Variants in PCDH9 observed in about 807,000 individuals in gnomAD.
PCDH9 encodes the protein protocadherin-9.
Under a neutral mutation model 70.6 loss-of-function variants are expected in PCDH9, and 24 were observed. That is an observed-to-expected ratio of 0.34 (90% CI 0.25 to 0.48). The LOEUF is 0.48. Ranked by LOEUF, PCDH9 falls within the 20% of genes least tolerant of loss-of-function variation. The pLI is 0.99. For synonymous variants in PCDH9, 562 were observed against 558.5 expected (o/e 1.01, Z -0.09); for missense variants, 1,281 against 1,503.6 (o/e 0.85, Z 2.45).
intron 3 of PCDH9, among the ~76,000 whole-genome samples, chr13:66,768,560 A>C (rs1222829323): frequency 6.6e-6 from 1 of 152,092 alleles, no homozygotes; most frequent in South Asian, 2.1e-4. Context: ...AGTTTTACTT[A>C]TACATAAAAC....
chr13:66,808,255 A>G (rs963860223), intron 3 of PCDH9, among the ~76,000 whole-genome samples: 1 of 152,166 alleles, frequency 6.6e-6, no homozygotes, highest in African/African-American at 2.4e-5. Flanking sequence ...TTATTGAAGG[A>G]AAGTAGGGCT....
At chr13:66,835,313 C>T (rs1030150627) in intron 3 of PCDH9, among the ~76,000 whole-genome samples, 12 of 152,312 alleles carry the variant, frequency 7.9e-5, no homozygotes, top group Admixed American at 2.0e-4. Context: ...TTGACATAAT[C>T]GAGCTCGGCT....
chr13:67,226,875 TC>T lies in PCDH9; in HGVS notation c.1565del (p.Gly522GlufsTer3). On this transcript the variant is annotated frameshift_variant, in exon 2 of 5. Transcript: ENST00000377865. LOFTEE classifies it high-confidence loss of function. The surrounding 1 kb of genome is among the most constrained non-coding windows in gnomAD (Gnocchi z 5.0). ...ASFFDLDRKT[G>X]VLTASRVFDR... ...CAAATACTCTGGAGGCTGTCAAAACTCCTGTTTTTCGGTCCAGATCAAAGAA... is the reference window on the plus strand; with the variant it reads ...CAAATACTCTGGAGGCTGTCAAAACTCTGTTTTTCGGTCCAGATCAAAGAA... 6.2e-7 allele frequency: 1 copy of T among 1,614,182 alleles called. No homozygotes were observed. Among genetic ancestry groups the T allele is most frequent in the Non-Finnish European group, 8.5e-7 (1 of 1,180,026 alleles).
intron 3 of PCDH9, among the ~76,000 whole-genome samples, chr13:66,871,892 A>T (rs1320742955): frequency 6.6e-6 from 1 of 152,146 alleles, no homozygotes; most frequent in East Asian, 1.9e-4. Context: ...TCATTGCATA[A>T]CAAATTTAAC....
intron 4 of PCDH9, among the ~76,000 whole-genome samples, chr13:66,312,037 C>T (rs1422688635): frequency 6.6e-6 from 1 of 151,966 alleles, no homozygotes; most frequent in Non-Finnish European, 1.5e-5. Flanking sequence ...AAATCAGAAT[C>T]GATAGGAAAA....
At chr13:67,025,384 T>G (rs1338462684) in intron 2 of PCDH9, among the ~76,000 whole-genome samples, 1 of 152,140 alleles carries the variant, frequency 6.6e-6, no homozygotes, top group Non-Finnish European at 1.5e-5. Flanking sequence ...TGTTTCCTTT[T>G]TCTTCATGAG....
intron 3 of PCDH9, chr13:66,880,312 A>C (rs969326556): frequency 6.6e-6 from 1 of 152,200 alleles, no homozygotes; most frequent in Non-Finnish European, 1.5e-5. Flanking sequence ...GCCCCTGGGT[A>C]CAATCATCCT....
intron 4 of PCDH9, among the ~76,000 whole-genome samples, chr13:66,627,799 C>T (rs542200581): frequency 3.9e-5 from 6 of 152,260 alleles, no homozygotes; most frequent in African/African-American, 1.4e-4. Context: ...GGTAAAAACT[C>T]TAGAGATTTC....
At chr13:66,787,099 A>G (rs1450734108) in intron 3 of PCDH9, among the ~76,000 whole-genome samples, 1 of 152,198 alleles carries the variant, frequency 6.6e-6, no homozygotes, top group African/African-American at 2.4e-5. Flanking sequence ...AGTAGAATAA[A>G]TTATGGATTC....
chr13:66,838,739 T>G (rs2081066734), intron 3 of PCDH9, among the ~76,000 whole-genome samples: 1 of 152,064 alleles, frequency 6.6e-6, no homozygotes, highest in Non-Finnish European at 1.5e-5. Context: ...GTGTTGTGAC[T>G]TTATTCTTTT....
intron 4 of PCDH9, among the ~76,000 whole-genome samples, chr13:66,586,305 A>G (rs951590045): frequency 2.2e-5 from 3 of 138,992 alleles, no homozygotes; most frequent in Non-Finnish European, 4.7e-5. Context: ...GATACATTAA[A>G]TAAAATTTAA....
intron 3 of PCDH9, among the ~76,000 whole-genome samples, chr13:66,646,477 A>G (rs2077772626): frequency 6.6e-6 from 1 of 152,234 alleles, no homozygotes; most frequent in Admixed American, 6.5e-5. Context: ...TTAGCACACG[A>G]CAAGAAATAT....
intron 2 of PCDH9, chr13:66,914,948 A>C (rs948013667): frequency 1.3e-5 from 2 of 151,714 alleles, no homozygotes; most frequent in Non-Finnish European, 3.0e-5. Flanking sequence ...GTTCTTCAGA[A>C]GAATACAGAA....
chr13:66,793,860 T>C (rs985858242), intron 3 of PCDH9, among the ~76,000 whole-genome samples: 3 of 152,200 alleles, frequency 2.0e-5, no homozygotes, highest in Non-Finnish European at 4.4e-5. Context: ...TTTAATACCT[T>C]TTAAAACAAG....
At chr13:66,822,134 G>GTGCA (rs1425294155) in intron 3 of PCDH9, among the ~76,000 whole-genome samples, 3 of 41,562 alleles carry the variant, frequency 7.2e-5, no homozygotes, top group African/African-American at 1.3e-4. Context: ...CATCACACAC[G>GTGCA]CGCACACACA....
chr13:67,068,342 C>T (rs1660883425), intron 2 of PCDH9, among the ~76,000 whole-genome samples: 1 of 151,580 alleles, frequency 6.6e-6, no homozygotes, highest in South Asian at 2.1e-4. Context: ...CAGTGATCAA[C>T]AAAAGTTAGC....
Position 66,627,583 on chromosome 13 carries a change from C to T in PCDH9, c.3340+3627G>A, listed in dbSNP as rs141167358. On this transcript the variant is annotated intron_variant, in intron 4 of 4. Coordinates refer to ENST00000377865, the MANE Select transcript of PCDH9 (RefSeq NM_203487.3). ...GAGAACTGCTGGCCTCTAGGGGCTC[C>T]CAGGGCCTCTCGCTTCTCCACTTTC... 4.2e-3 allele frequency among the ~76,000 whole-genome samples: 636 copies of T among 152,212 alleles called. 19 individuals are homozygous for T. The East Asian group carries it at 0.081, about 19-fold the overall frequency.
intron 4 of PCDH9, among the ~76,000 whole-genome samples, chr13:66,548,044 C>T (rs989402759): frequency 3.3e-5 from 5 of 150,366 alleles, no homozygotes; most frequent in Non-Finnish European, 5.9e-5. Flanking sequence ...TTTGTGTTTT[C>T]GTGCCCATCT....
chr13:66,741,317 A>C (rs2079259976), intron 3 of PCDH9, among the ~76,000 whole-genome samples: 1 of 13,232 alleles, frequency 7.6e-5, no homozygotes, highest in African/African-American at 8.1e-5. Flanking sequence ...ACTCTCAATA[A>C]ATTAGGTACT....
Sources: gnomAD v4.1 joint callset for allele counts (sites outside exome capture counted in the v4.1 genomes callset) on GRCh38, gnomAD v4.1.1 for gene constraint, Gnocchi (gnomAD v3.1) non-coding constraint, MANE v1.5 for transcripts, NCBI Gene and HGNC (gene_info 2026-07-23, HGNC 2026-07-21) for gene names.